NDUFS3: variants seen among roughly 807,000 people sequenced by gnomAD.
The protein encoded by NDUFS3 is NADH dehydrogenase [ubiquinone] iron-sulfur protein 3, mitochondrial.
NDUFS3 carries 19 observed loss-of-function variants against 30.8 expected under a neutral mutation model. That is an observed-to-expected ratio of 0.62 (90% CI 0.43 to 0.91). The LOEUF is 0.91. Ranked by LOEUF, NDUFS3 falls within the 40% of genes least tolerant of loss-of-function variation. The pLI is 0.00. For missense variants in NDUFS3, 331 were observed against 342.0 expected (o/e 0.97, Z 0.25); for synonymous variants, 153 against 135.8 (o/e 1.13, Z -0.88).
rs1364446749 is a variant in NDUFS3 at position 47,581,298 on chromosome 11, T to G, written c.381+314T>G. The G allele has an allele frequency of 2.5e-5, 9 of 367,252 alleles. No individual in the cohort carries two copies. The East Asian group carries it at 6.2e-4, about 25-fold the overall frequency. The allele number at this position is 367,252 out of a possible 1,614,324, so 22.7% of individuals were successfully genotyped here. On this transcript the variant is annotated intron_variant, in intron 4 of 6. Transcript: ENST00000263774. ...CCCCTTGAGTAGCTGGGACTACAGGTGCATGCCACCACGCCCGGCTAATTT... is the reference window on the plus strand; with the variant it reads ...CCCCTTGAGTAGCTGGGACTACAGGGGCATGCCACCACGCCCGGCTAATTT...
At chr11:47,583,634 C>G (rs1053243039) in intron 6 of NDUFS3, among the ~76,000 whole-genome samples, 1 of 152,170 alleles carries the variant, frequency 6.6e-6, no homozygotes, top group African/African-American at 2.4e-5. Context: ...TTTAGAAATG[C>G]AGAGATGTGG....
chr11:47,582,315 A>T, intron 5 of NDUFS3, 34 bp from the exon 6 acceptor site: 1 of 1,614,144 alleles, frequency 6.2e-7, no homozygotes, highest in Non-Finnish European at 8.5e-7. Context: ...GTTAGTCTTG[A>T]TGGATTGGCT....
chr11:47,580,463 C>G, intron 2 of NDUFS3, 62 bp from the exon 3 acceptor site: 1 of 1,483,914 alleles, frequency 6.7e-7, no homozygotes, highest in East Asian at 2.3e-5. Context: ...GCCTAAGAGA[C>G]TGCATGCAGG....
Position 47,584,389 on chromosome 11 carries a change from C to T in NDUFS3, c.703C>T (p.Leu235=). The part of the protein sequence containing the change: ...ELAQEFRKFD[L]NSPWEAFPVY... ...GGCCCAAGAGTTCCGCAAATTTGACCTGAACAGCCCCTGGGAGGCTTTCCC... is the reference window on the plus strand; with the variant it reads ...GGCCCAAGAGTTCCGCAAATTTGACTTGAACAGCCCCTGGGAGGCTTTCCC... The change falls in exon 7 of 7, where the codon CTG becomes TTG. Residue 235 remains leucine (L), a synonymous_variant. Transcript: ENST00000263774. 3 of 1,614,174 alleles carry T rather than the reference C, an allele frequency of 1.9e-6. No homozygotes were observed. The highest frequency in any genetic ancestry group is 2.5e-6 in the Non-Finnish European group (3 of 1,180,040).
chr11:47,582,421 G>C lies in NDUFS3; in HGVS notation c.580G>C (p.Glu194Gln). 3 of 1,614,148 alleles carry C rather than the reference G, an allele frequency of 1.9e-6. No homozygotes were observed. The highest frequency in any genetic ancestry group is 2.5e-6 in the Non-Finnish European group (3 of 1,180,038). The change falls in exon 6 of 7, where the codon GAG (glutamate) becomes CAG (glutamine). Residue 194 changes from glutamate to glutamine, a missense_variant. Transcript: ENST00000263774. ...LRRILTDYGF[E>Q]GHPFRKDFPL... The stretch of plus-strand genomic sequence containing the variant: ...AAGGATCCTGACAGATTATGGCTTC[G>C]AGGGACATCCTTTCCGGAAAGACTT...
At chr11:47,584,173 T>C (rs1204937303) in intron 6 of NDUFS3, 141 bp from the exon 7 acceptor site, 54 of 1,117,110 alleles carry the variant, frequency 4.8e-5, no homozygotes, top group Non-Finnish European at 7.3e-5. Context: ...GGATGGAGAC[T>C]TACTGACAGA....
At chr11:47,584,271 TAAG>T (rs2097270082) in intron 6 of NDUFS3, 40 bp from the exon 7 acceptor site, 3 of 1,612,988 alleles carry the variant, frequency 1.9e-6, no homozygotes, top group East Asian at 2.2e-5. Context: ...GTAGCTATAA[TAAG>T]GACTTCCTTA....
Position 47,580,622 on chromosome 11 carries a change from G to A in NDUFS3, c.231G>A (p.Gln77=). ...EILPKYVQQV[Q]VSCFNELEVC... ...TGCCCAAGTATGTCCAACAAGTTCAGGTAATACTTACTAATGTTATTTGGG... is the reference window on the plus strand; with the variant it reads ...TGCCCAAGTATGTCCAACAAGTTCAAGTAATACTTACTAATGTTATTTGGG... The change falls in exon 3 of 7, where the codon CAG becomes CAA. Residue 77 remains glutamine (Q), a splice_region_variant and synonymous_variant. Transcript: ENST00000263774. The A allele has an allele frequency of 6.2e-7, 1 of 1,613,942 alleles. No individual in the cohort carries two copies.
chr11:47,579,241 C>T, intron 1 of NDUFS3, 28 bp from the exon 2 acceptor site: 1 of 1,614,118 alleles, frequency 6.2e-7, no homozygotes, highest in Non-Finnish European at 8.5e-7. Flanking sequence ...TCATCCCGCG[C>T]GTCTGTGCCT....
intron 3 of NDUFS3, 73 bp downstream of exon 3, chr11:47,580,695 G>C (rs757409590): frequency 1.0e-4 from 162 of 1,586,492 alleles, no homozygotes; most frequent in Admixed American, 4.5e-4. Context: ...GGAGTGGGCA[G>C]ACTTGTTTCA....
intron 5 of NDUFS3, 31 bp downstream of exon 5, chr11:47,582,244 T>C: frequency 1.2e-6 from 2 of 1,614,240 alleles, no homozygotes; most frequent in Non-Finnish European, 1.7e-6. Context: ...GACCTGCCTC[T>C]GGGCCACAGT....
Position 47,579,325 on chromosome 11 carries a change from G to A in NDUFS3, c.124G>A (p.Asp42Asn). 6.2e-7 allele frequency: 1 copy of A among 1,613,828 alleles called. No homozygotes were observed. The highest frequency in any genetic ancestry group is 1.3e-5 in the African/African-American group (1 of 75,070). The stretch of plus-strand genomic sequence containing the variant: ...GGTGAGGCGGGAGAGCGCCGGGGCC[G>A]ACACGCGCCGTGAGTATGTGCGGGC... Reference protein sequence around the residue: ...LPVRRESAGADTRPTVRPRND... With the variant: ...LPVRRESAGANTRPTVRPRND... Residue 42 changes from aspartate to asparagine, a missense_variant, in exon 2 of 7, where the codon GAC becomes AAC. Transcript: ENST00000263774.
In NDUFS3 at chr11:47,580,946, A is replaced by G; in HGVS notation, c.343A>G (p.Thr115Ala). Residue 115 changes from threonine to alanine, a missense_variant, in exon 4 of 7, where the codon ACA (threonine) becomes GCA (alanine). Physicochemically the swap from Thr to Ala is moderately conservative, Grantham distance 58. Coordinates refer to ENST00000263774, the MANE Select transcript of NDUFS3 (RefSeq NM_004551.3). ...ACAGTTCAAATCTCTGGTTGACTTGACAGCAGTGGACGTCCCAACTCGGCA... is the reference window on the plus strand; with the variant it reads ...ACAGTTCAAATCTCTGGTTGACTTGGCAGCAGTGGACGTCCCAACTCGGCA... ...NAQFKSLVDL[T>A]AVDVPTRQNR... 1 of 1,614,262 alleles carries G rather than the reference A, an allele frequency of 6.2e-7. No individual in the cohort carries two copies. The highest frequency in any genetic ancestry group is 1.1e-5 in the South Asian group (1 of 91,088).
chr11:47,579,947 G>A (rs967482050), intron 2 of NDUFS3, among the ~76,000 whole-genome samples: 8 of 150,894 alleles, frequency 5.3e-5, no homozygotes, highest in Non-Finnish European at 1.2e-4. Flanking sequence ...TGGGAGTTAG[G>A]AGACCTGGCA....
rs530807197 is a variant in NDUFS3, at chr11:47,579,205, G to A, written c.67+47G>A. ...AGACCGGGGTCAGGCGCAGCGGCGTGCCCAGTGCAGAGAGCTCCTCAGGGC... is the reference window on the plus strand; with the variant it reads ...AGACCGGGGTCAGGCGCAGCGGCGTACCCAGTGCAGAGAGCTCCTCAGGGC... On this transcript the variant is annotated intron_variant, in intron 1 of 6. Transcript: ENST00000263774. The A allele has an allele frequency of 2.7e-4, 443 of 1,613,864 alleles. 4 individuals are homozygous for A. In the South Asian group the frequency reaches 4.7e-3, roughly 17 times the overall value.
In NDUFS3 at chr11:47,580,930, A is replaced by ATC; in HGVS notation, c.331_332dup (p.Val112TrpfsTer4). On this transcript the variant is annotated frameshift_variant, in exon 4 of 7. Transcript: ENST00000263774. LOFTEE classifies it high-confidence loss of function. The stretch of plus-strand genomic sequence containing the variant: ...GGGATCACACCAATGCACAGTTCAA[A>ATC]TCTCTGGTTGACTTGACAGCAGTGG... 6.2e-7 allele frequency: 1 copy of ATC among 1,614,154 alleles called. No homozygotes were observed. The highest frequency in any genetic ancestry group is 8.5e-7 in the Non-Finnish European group (1 of 1,180,024).
chr11:47,583,875 G>A (rs4147730), intron 6 of NDUFS3, among the ~76,000 whole-genome samples: 31,226 of 152,084 alleles, frequency 0.21, 3,712 homozygotes, highest in East Asian at 0.3. Context: ...CAAATGTACT[G>A]CTTTAGATCT....
chr11:47,580,610 C>G lies in NDUFS3; in HGVS notation c.219C>G (p.Val73=), dbSNP rs1216274744. The G allele has an allele frequency of 3.1e-6, 5 of 1,613,980 alleles. No individual in the cohort carries two copies. The highest frequency in any genetic ancestry group is 3.3e-5 in the Admixed American group (2 of 60,000). Residue 73 remains valine, a synonymous_variant, in exon 3 of 7, where the codon GTC becomes GTG. Coordinates refer to ENST00000263774, the MANE Select transcript of NDUFS3 (RefSeq NM_004551.3). ...EYVAEILPKY[V]QQVQVSCFNE... is the part of the protein sequence containing the mutation. ...TGGCTGAAATCTTGCCCAAGTATGT[C>G]CAACAAGTTCAGGTAATACTTACTA...
Position 47,584,545 on chromosome 11 carries a change from A to C in NDUFS3, c.*64A>C. 6.3e-7 allele frequency: 1 copy of C among 1,588,966 alleles called. No homozygotes were observed. Among genetic ancestry groups the C allele is most frequent in the Non-Finnish European group, 8.6e-7 (1 of 1,160,956 alleles). On this transcript the variant is annotated 3_prime_UTR_variant, in exon 7 of 7. Transcript: ENST00000263774. Reference sequence around the variant, plus strand: ...CTATGATTGAGTGTCCGTGTAAATAAATTCCTACTTAGACTTACCACTTTG... The same window carrying C: ...CTATGATTGAGTGTCCGTGTAAATACATTCCTACTTAGACTTACCACTTTG...
Sources: gnomAD v4.1 joint callset for allele counts (sites outside exome capture counted in the v4.1 genomes callset) on GRCh38, gnomAD v4.1.1 for gene constraint, MANE v1.5 for transcripts, NCBI Gene and HGNC (gene_info 2026-07-23, HGNC 2026-07-21) for gene names.